The following HIVEP2 variants were observed in gnomAD, a reference collection of about 807,000 sequenced individuals.
The protein encoded by HIVEP2 is transcription factor HIVEP2.
In HIVEP2, 14 loss-of-function variants were observed where a neutral mutation model predicts 180.7. The observed-to-expected ratio is 0.08, with a 90% CI of 0.05 to 0.12. The LOEUF (loss-of-function observed/expected upper bound fraction) is 0.12. Among genes scored for constraint, HIVEP2 ranks in the 10% least tolerant of loss-of-function variants. The probability of loss-of-function intolerance (pLI) is 1.00; values close to 1 mark genes in which losing one functional copy is unlikely to be tolerated. For synonymous variants in HIVEP2, 1,184 were observed against 1,136.4 expected, an observed-to-expected ratio of 1.04 and a Z score of -0.84; for missense variants, 2,579 against 3,008.5, an observed-to-expected ratio of 0.86 and a Z score of 3.34.
intron 1 of HIVEP2, among the ~76,000 whole-genome samples, chr6:142,936,476 C>T (rs1462537951): frequency 2.0e-5 from 3 of 151,934 alleles, no homozygotes; most frequent in African/African-American, 7.3e-5. Context: ...AGCCGTGAGC[C>T]ACCGCCCGAC....
rs945381900 is a variant in HIVEP2, at chr6:142,918,085, T to C, written c.-641+27014A>G. Reference sequence around the variant, plus strand: ...ATCATGCCCGGAGCGTCTGTAATTTTAACAAGAACAATGTGAGCCATGAAA... The same window carrying C: ...ATCATGCCCGGAGCGTCTGTAATTTCAACAAGAACAATGTGAGCCATGAAA... On this transcript the variant is annotated intron_variant, in intron 1 of 9. Transcript: ENST00000367603. 1.2e-4 allele frequency among the ~76,000 whole-genome samples: 18 copies of C among 152,290 alleles called. No homozygotes were observed. The East Asian group carries it at 3.5e-3, about 29-fold the overall frequency.
In HIVEP2 at chr6:142,794,237, T is replaced by G. The variant is rs145742419; in HGVS notation, c.-527-10622A>C. Among the ~76,000 whole-genome samples, 84 of 152,284 alleles carry G rather than the reference T, an allele frequency of 5.5e-4. No individual in the cohort carries two copies. The East Asian group carries it at 0.015, about 28-fold the overall frequency. On this transcript the variant is annotated intron_variant, in intron 2 of 9. Coordinates refer to ENST00000367603, the MANE Select transcript of HIVEP2 (RefSeq NM_006734.4). Reference sequence around the variant, plus strand: ...CTTCAAGTACTATTTCTACTTTTCTTTCCCATTGTCTCATACTGATAATTA... The same window carrying G: ...CTTCAAGTACTATTTCTACTTTTCTGTCCCATTGTCTCATACTGATAATTA...
At chr6:142,890,294 C>A (rs1776825768) in intron 1 of HIVEP2, among the ~76,000 whole-genome samples, 1 of 152,216 alleles carries the variant, frequency 6.6e-6, no homozygotes, top group South Asian at 2.1e-4. Context: ...CATAGAGAAT[C>A]TTCCTCAAAT....
In HIVEP2 at chr6:142,774,723, T is replaced by C. The variant is rs768390940; in HGVS notation, c.16A>G (p.Thr6Ala). 2 of 1,613,860 alleles carry C rather than the reference T, an allele frequency of 1.2e-6. No individual in the cohort carries two copies. The highest frequency in any genetic ancestry group is 1.1e-5 in the South Asian group (1 of 91,068). Residue 6 changes from threonine to alanine, a missense_variant, in exon 5 of 10, where the codon ACA becomes GCA. Transcript: ENST00000367603. The surrounding 1 kb of genome is among the most constrained non-coding windows in gnomAD (Gnocchi z 5.1). ...GAGGTAGCTTTTTGTCCTAGAGCTG[T>C]GTCCCCAGTGTCCATTTTGTTACAC... is the stretch of plus-strand genomic sequence containing the variant. MDTGDTALGQKATSRS... is the reference protein window; with the variant it reads MDTGDAALGQKATSRS...
chr6:142,847,936 C>CAGTTATAT (rs1468715167), intron 1 of HIVEP2, among the ~76,000 whole-genome samples: 1 of 152,132 alleles, frequency 6.6e-6, no homozygotes, highest in Non-Finnish European at 1.5e-5. Context: ...AAAGGAAACA[C>CAGTTATAT]AGTTATATAA....
rs559097030 is a variant in HIVEP2 at position 142,875,325 on chromosome 6, A to C, written c.-640-38278T>G. Among the ~76,000 whole-genome samples, 5 of 152,282 alleles carry C rather than the reference A, an allele frequency of 3.3e-5. No individual in the cohort carries two copies. The South Asian group carries it at 1.0e-3, about 32-fold the overall frequency. ...ATGAAGGCCATTATGACTGGAACCT[A>C]TCTGGGAATGGGGTGTGTAGAGGAA... On this transcript the variant is annotated intron_variant, in intron 1 of 9. Transcript: ENST00000367603.
At chr6:142,849,746 T>G (rs1775602518) in intron 1 of HIVEP2, among the ~76,000 whole-genome samples, 1 of 152,136 alleles carries the variant, frequency 6.6e-6, no homozygotes, top group Non-Finnish European at 1.5e-5. Flanking sequence ...CTCAAACTCC[T>G]GGGCTCAAGT....
At chr6:142,851,497 G>A (rs1775670682) in intron 1 of HIVEP2, among the ~76,000 whole-genome samples, 1 of 152,156 alleles carries the variant, frequency 6.6e-6, no homozygotes, top group African/African-American at 2.4e-5. Flanking sequence ...ATAAAAGAAA[G>A]CAACATTTAC....
chr6:142,872,347 A>T (rs1266645847), intron 1 of HIVEP2, among the ~76,000 whole-genome samples: 1 of 152,208 alleles, frequency 6.6e-6, no homozygotes, highest in Non-Finnish European at 1.5e-5. Flanking sequence ...TCGCTTCCAT[A>T]AAGCAGCAAT....
rs567004485 is a variant in HIVEP2 at position 142,857,398 on chromosome 6, T to C, written c.-640-20351A>G. ...CCAAATGCTCTTATTTTGTATGTTC[T>C]CACGGGGTTTCAGGACTTGTGCAAA... On this transcript the variant is annotated intron_variant, in intron 1 of 9. Coordinates refer to ENST00000367603, the MANE Select transcript of HIVEP2 (RefSeq NM_006734.4). 4.6e-5 allele frequency among the ~76,000 whole-genome samples: 7 copies of C among 152,330 alleles called. No individual in the cohort carries two copies. The East Asian group carries it at 1.3e-3, about 29-fold the overall frequency.
intron 1 of HIVEP2, among the ~76,000 whole-genome samples, chr6:142,917,772 G>C (rs1443429520): frequency 6.6e-6 from 1 of 151,918 alleles, no homozygotes; most frequent in Non-Finnish European, 1.5e-5. Flanking sequence ...ATCATAATAT[G>C]CTTCTGTAAT....
intron 2 of HIVEP2, among the ~76,000 whole-genome samples, chr6:142,812,864 A>G (rs1160420820): frequency 6.6e-6 from 1 of 152,206 alleles, no homozygotes; most frequent in Non-Finnish European, 1.5e-5. Flanking sequence ...ATTAAGGCAG[A>G]TAATACATTA....
intron 2 of HIVEP2, among the ~76,000 whole-genome samples, chr6:142,830,866 C>G (rs1057371081): frequency 1.3e-5 from 2 of 152,168 alleles, no homozygotes; most frequent in African/African-American, 2.4e-5. Flanking sequence ...CACATCCACA[C>G]AAGCTCACCC....
At chr6:142,894,685 T>C (rs1776939306) in intron 1 of HIVEP2, among the ~76,000 whole-genome samples, 1 of 152,234 alleles carries the variant, frequency 6.6e-6, no homozygotes, top group African/African-American at 2.4e-5. Flanking sequence ...ACTACTTTAT[T>C]CCTGGAAAAC....
At chr6:142,785,309 CAAAAAAAAAAAAAAAAA>C (rs57458259) in intron 2 of HIVEP2, among the ~76,000 whole-genome samples, 2 of 65,370 alleles carry the variant, frequency 3.1e-5, no homozygotes, top group African/African-American at 9.7e-5. Context: ...TGGCATTCCT[CAAAAAAAAAAAAAAAAA>C]AAAAAAAAAA....
chr6:142,774,320 G>A lies in HIVEP2; in HGVS notation c.419C>T (p.Pro140Leu). The change falls in exon 5 of 10, where the codon CCT (proline) becomes CTT (leucine). Residue 140 changes from proline to leucine, a missense_variant. Transcript: ENST00000367603. The surrounding 1 kb of genome is among the most constrained non-coding windows in gnomAD (Gnocchi z 5.1). ...ACCACTGTGGCCATGTATAGGAAAAGGAAATAAGTCCTCAGAGGCAACGGA... is the reference window on the plus strand; with the variant it reads ...ACCACTGTGGCCATGTATAGGAAAAAGAAATAAGTCCTCAGAGGCAACGGA... ...LPSVASEDLF[P>L]FPIHGHSGGY... 6.2e-7 allele frequency: 1 copy of A among 1,614,214 alleles called. No homozygotes were observed. The highest frequency in any genetic ancestry group is 8.5e-7 in the Non-Finnish European group (1 of 1,180,048).
In HIVEP2 at chr6:142,759,914, G is replaced by T; in HGVS notation, c.6374C>A (p.Ala2125Glu). The change falls in exon 9 of 10, where the codon GCA (alanine) becomes GAA (glutamate). Residue 2125 changes from alanine to glutamate, a missense_variant. By Grantham distance (107) the Ala-to-Glu change is moderately radical. Around this residue, in one of 11 missense-constraint regions of HIVEP2, gnomAD observed 660 missense variants for 731.7 expected, o/e 0.90. Transcript: ENST00000367603. ...RPVSPGKDIT[A>E]RRDLSPRRER... ...TCTTCTAGGAGAGAGGTCTCTTCTT[G>T]CTGTGATATCTTTCCCAGGAGACAC... is the stretch of plus-strand genomic sequence containing the variant. 6.2e-7 allele frequency: 1 copy of T among 1,614,032 alleles called. No homozygotes were observed. Among genetic ancestry groups the T allele is most frequent in the South Asian group, 1.1e-5 (1 of 91,070 alleles).
At chr6:142,862,496 A>G (rs198659) in intron 1 of HIVEP2, among the ~76,000 whole-genome samples, 19,774 of 72,368 alleles carry the variant, frequency 0.27, 2,367 homozygotes, top group African/African-American at 0.33. Flanking sequence ...AATCGATTAT[A>G]TGTATCATAT....
At chr6:142,852,263 CTTTA>C (rs1320865310) in intron 1 of HIVEP2, among the ~76,000 whole-genome samples, 2 of 152,042 alleles carry the variant, frequency 1.3e-5, no homozygotes, top group East Asian at 1.9e-4. Flanking sequence ...TGGGAAATGA[CTTTA>C]TTTAATCTTT....
Sources: gnomAD v4.1 joint callset for allele counts (sites outside exome capture counted in the v4.1 genomes callset) on GRCh38, gnomAD v4.1.1 for gene constraint, gnomAD v4.1.1 regional missense constraint, Gnocchi (gnomAD v3.1) non-coding constraint, MANE v1.5 for transcripts, NCBI Gene and HGNC (gene_info 2026-07-23, HGNC 2026-07-21) for gene names.